PDGFB: variants seen among roughly 807,000 people sequenced by gnomAD.
PDGFB encodes platelet derived growth factor subunit B.
Under a neutral mutation model 29.0 loss-of-function variants are expected in PDGFB, and 6 were observed. The observed-to-expected ratio is 0.21, with a 90% CI of 0.11 to 0.41. PDGFB has a LOEUF of 0.41. Ranked by LOEUF, PDGFB falls within the 10% of genes least tolerant of loss-of-function variation. PDGFB has a pLI of 1.00. For synonymous variants in PDGFB, 144 were observed against 140.8 expected (o/e 1.02, Z -0.16); for missense variants, 299 against 341.8 (o/e 0.87, Z 0.99).
chr22:39,238,893 C>T (rs1932505885), intron 1 of PDGFB, among the ~76,000 whole-genome samples: 2 of 152,244 alleles, frequency 1.3e-5, no homozygotes, highest in Admixed American at 1.3e-4. Context: ...TTGGGGGAGG[C>T]CGGGGATGCC....
In PDGFB at chr22:39,242,522, G is replaced by T. The variant is rs1932591020; in HGVS notation, c.63+1379C>A. Among the ~76,000 whole-genome samples, 1 of 150,482 alleles carries T rather than the reference G, an allele frequency of 6.6e-6. No homozygotes were observed. Among genetic ancestry groups the T allele is most frequent in the Non-Finnish European group, 1.5e-5 (1 of 67,450 alleles). Reference sequence around the variant, plus strand: ...GTCGGGAGGGGCCTGAAGGCGGCCCGGCCGAGCCCCGCGTCCTCCCTCCCG... The same window carrying T: ...GTCGGGAGGGGCCTGAAGGCGGCCCTGCCGAGCCCCGCGTCCTCCCTCCCG... On this transcript the variant is annotated intron_variant, in intron 1 of 6. Coordinates refer to ENST00000331163, the MANE Select transcript of PDGFB (RefSeq NM_002608.4). This position sits in a 1 kb window ranked among gnomAD's most constrained non-coding sequence, Gnocchi z 5.7.
At chr22:39,234,412 G>C (rs1477695821) in intron 2 of PDGFB, among the ~76,000 whole-genome samples, 1 of 152,178 alleles carries the variant, frequency 6.6e-6, no homozygotes, top group African/African-American at 2.4e-5. Flanking sequence ...AGACCCTTCT[G>C]TCTCTCTCAT....
At chr22:39,235,382 G>T (rs941353888) in intron 2 of PDGFB, among the ~76,000 whole-genome samples, 1 of 152,220 alleles carries the variant, frequency 6.6e-6, no homozygotes, top group Non-Finnish European at 1.5e-5. Context: ...TCGAGGCCAG[G>T]TGTCCCCAGG....
At position 39,242,790 on chromosome 22, in the gene PDGFB, C is replaced by CGGCGAGGTGCGGGCGAGGTGCG; in HGVS notation, c.63+1089_63+1110dup. On this transcript the variant is annotated intron_variant, in intron 1 of 6. Transcript: ENST00000331163. The surrounding 1 kb of genome is among the most constrained non-coding windows in gnomAD (Gnocchi z 5.7). ...GCAGGGGCCGACCCTCCCCGGGAGC[C>CGGCGAGGTGCGGGCGAGGTGCG]GGCGAGGTGCGGGCGAGGTGCGGAC... 1 of 231,014 alleles carries CGGCGAGGTGCGGGCGAGGTGCG rather than the reference C, an allele frequency of 4.3e-6. No individual in the cohort carries two copies. Among genetic ancestry groups the CGGCGAGGTGCGGGCGAGGTGCG allele is most frequent in the Non-Finnish European group, 8.6e-6 (1 of 116,568 alleles). The allele number at this position is 231,014 out of a possible 1,614,324, so 14.3% of individuals were successfully genotyped here.
chr22:39,227,384 A>G (rs2003809), intron 5 of PDGFB, among the ~76,000 whole-genome samples: 59,251 of 152,218 alleles, frequency 0.39, 11,984 homozygotes, highest in Middle Eastern at 0.49. Context: ...GTGAGCCACC[A>G]CGCCCAGCCG....
At chr22:39,228,819 G>T (rs1436542704) in intron 5 of PDGFB, among the ~76,000 whole-genome samples, 2 of 151,260 alleles carry the variant, frequency 1.3e-5, no homozygotes, top group Non-Finnish European at 2.9e-5. Flanking sequence ...AACCCAGGAG[G>T]TAGAGGTTGC....
intron 5 of PDGFB, 45 bp from the exon 6 acceptor site, chr22:39,225,892 G>A (rs765158726): frequency 1.9e-6 from 3 of 1,583,594 alleles, no homozygotes; most frequent in East Asian, 2.3e-5. Flanking sequence ...GGACCATTGG[G>A]GAGGTCTCTC....
In PDGFB at chr22:39,244,046, A is replaced by AG. The variant is rs1480620773; in HGVS notation, c.-84dup. On this transcript the variant is annotated 5_prime_UTR_variant, in exon 1 of 7. Coordinates refer to ENST00000331163, the MANE Select transcript of PDGFB (RefSeq NM_002608.4). This position sits in a 1 kb window ranked among gnomAD's most constrained non-coding sequence, Gnocchi z 4.5. ...CCGCGGCCAGGGTGGGGGGCTGGGG[A>AG]GGGGGGTGGGCTCGGCTCGGGTCCG... 17 of 194,746 alleles carry AG rather than the reference A, an allele frequency of 8.7e-5. No homozygotes were observed. In the East Asian group the frequency reaches 2.9e-3, roughly 33 times the overall value. The allele number at this position is 194,746 out of a possible 1,614,324, so 12.1% of individuals were successfully genotyped here.
intron 4 of PDGFB, among the ~76,000 whole-genome samples, chr22:39,230,591 T>TG (rs1267160132): frequency 6.6e-6 from 1 of 151,214 alleles, no homozygotes; most frequent in African/African-American, 2.4e-5. Flanking sequence ...TGGAAGGAAG[T>TG]GGGGGGAGGC....
Position 39,243,804 on chromosome 22 carries a change from G to T in PDGFB, c.63+97C>A, listed in dbSNP as rs530351927. On this transcript the variant is annotated intron_variant, in intron 1 of 6. Transcript: ENST00000331163. This position sits in a 1 kb window ranked among gnomAD's most constrained non-coding sequence, Gnocchi z 6.4. ...CCGGCGTCAGGCTCGCGGGCTGCAAGGGTCCAAAGTTCACTGCAGGGAGAG... is the reference window on the plus strand; with the variant it reads ...CCGGCGTCAGGCTCGCGGGCTGCAATGGTCCAAAGTTCACTGCAGGGAGAG... The T allele has an allele frequency of 9.3e-6, 9 of 965,230 alleles. No homozygotes were observed. Among genetic ancestry groups the T allele is most frequent in the African/African-American group, 1.7e-5 (1 of 59,414 alleles). 59.8% of individuals were successfully genotyped at this position (965,230 alleles called of 1,614,324 possible). A position where few individuals can be genotyped will look rare whatever the true frequency, so the allele number is the denominator to read the frequency against.
chr22:39,237,007 C>T (rs573155189), intron 1 of PDGFB, among the ~76,000 whole-genome samples: 106 of 152,280 alleles, frequency 7.0e-4, no homozygotes, highest in African/African-American at 2.5e-3. Context: ...GAAGGGAGGA[C>T]TTCCCTTCTT....
At chr22:39,225,657 C>A in intron 6 of PDGFB, 38 bp downstream of exon 6, 1 of 1,567,382 alleles carries the variant, frequency 6.4e-7, no homozygotes. Flanking sequence ...GAAGAAAACA[C>A]AGGATTCTGG....
chr22:39,229,989 G>A (rs911085766), intron 5 of PDGFB, 95 bp downstream of exon 5: 101 of 1,380,818 alleles, frequency 7.3e-5, no homozygotes, highest in Non-Finnish European at 9.1e-5. Flanking sequence ...TTAACCGGGG[G>A]CGGGCCTGAT....
In PDGFB at chr22:39,230,217, G is replaced by T. The variant is rs774559047; in HGVS notation, c.468C>A (p.Ile156=). ...VQLRPVQVRK[I]EIVRKKPIFK... Reference sequence around the variant, plus strand: ...AGATTGGCTTCTTCCGCACAATCTCGATCTTTCTCACCTGGAGGACAGAGC... The same window carrying T: ...AGATTGGCTTCTTCCGCACAATCTCTATCTTTCTCACCTGGAGGACAGAGC... The change falls in exon 5 of 7, where the codon ATC becomes ATA. Residue 156 remains isoleucine, a synonymous_variant. Transcript: ENST00000331163. 8 of 1,613,722 alleles carry T rather than the reference G, an allele frequency of 5.0e-6. No homozygotes were observed. In the African/African-American group the frequency reaches 5.3e-5, roughly 11 times the overall value.
At chr22:39,240,607 G>T (rs1404555336) in intron 1 of PDGFB, among the ~76,000 whole-genome samples, 1 of 151,860 alleles carries the variant, frequency 6.6e-6, no homozygotes, top group African/African-American at 2.4e-5. Context: ...AGCAACAGGG[G>T]GCCAGGTCCT....
At chr22:39,235,163 C>T (rs547656718) in intron 2 of PDGFB, among the ~76,000 whole-genome samples, 1 of 152,322 alleles carries the variant, frequency 6.6e-6, no homozygotes, top group South Asian at 2.1e-4. Context: ...GACAGAACCC[C>T]AGAGGGAAGG....
At chr22:39,241,355 C>T (rs1418157253) in intron 1 of PDGFB, among the ~76,000 whole-genome samples, 1 of 152,254 alleles carries the variant, frequency 6.6e-6, no homozygotes, top group African/African-American at 2.4e-5. Flanking sequence ...CTGGCCATTA[C>T]AGCTCCTTCC....
Position 39,223,425 on chromosome 22 carries a change from GGAC to G in PDGFB, c.*1914_*1916del, listed in dbSNP as rs1932089763. The G allele has an allele frequency of 6.6e-6, 1 of 152,270 alleles. No individual in the cohort carries two copies. Among genetic ancestry groups the G allele is most frequent in the South Asian group, 2.1e-4 (1 of 4,836 alleles). 9.4% of individuals were successfully genotyped at this position (152,270 alleles called of 1,614,324 possible). A position where few individuals can be genotyped will look rare whatever the true frequency, so the allele number is the denominator to read the frequency against. Reference sequence around the variant, plus strand: ...AGTCCACGTGTCAGGAGCTGTGCCAGGACCAAGACCAACAGAGTAGCCTGTGTG... The same window carrying G: ...AGTCCACGTGTCAGGAGCTGTGCCAGCAAGACCAACAGAGTAGCCTGTGTG... On this transcript the variant is annotated 3_prime_UTR_variant, in exon 7 of 7. Transcript: ENST00000331163.
intron 5 of PDGFB, among the ~76,000 whole-genome samples, chr22:39,227,714 T>C (rs1332894666): frequency 6.6e-6 from 1 of 152,222 alleles, no homozygotes; most frequent in Admixed American, 6.5e-5. Context: ...CTCTCCGTCC[T>C]GGATTCCCAG....
Sources: allele counts gnomAD v4.1 joint callset (sites outside exome capture counted in the v4.1 genomes callset), GRCh38; gene constraint gnomAD v4.1.1; non-coding constraint Gnocchi (gnomAD v3.1); transcripts MANE v1.5; gene names NCBI Gene and HGNC (gene_info 2026-07-23, HGNC 2026-07-21).